Variants in FBN1 observed in about 807,000 individuals in gnomAD.
FBN1 encodes fibrillin-1.
FBN1 carries 29 observed loss-of-function variants against 365.1 expected under a neutral mutation model. The observed-to-expected ratio is 0.08, with a 90% confidence interval of 0.06 to 0.11. The LOEUF (loss-of-function observed/expected upper bound fraction) is 0.11. Among genes scored for constraint, FBN1 ranks in the 10% least tolerant of loss-of-function variants. FBN1 has a pLI of 1.00. For missense variants in FBN1, 2,476 were observed against 3,703.2 expected, an observed-to-expected ratio of 0.67 and a Z score of 8.60; for synonymous variants, 1,210 against 1,270.5, an observed-to-expected ratio of 0.95 and a Z score of 1.01.
At chr15:48,441,412 C>T (rs2043114230) in intron 50 of FBN1, among the ~76,000 whole-genome samples, 1 of 152,116 alleles carries the variant, frequency 6.6e-6, no homozygotes, top group Non-Finnish European at 1.5e-5. Context: ...TCAACTTCCC[C>T]CAGGCTTTGC....
At chr15:48,416,933 G>A (rs1441563262) in intron 63 of FBN1, among the ~76,000 whole-genome samples, 1 of 151,956 alleles carries the variant, frequency 6.6e-6, no homozygotes, top group Non-Finnish European at 1.5e-5. Flanking sequence ...ATAGGATACA[G>A]GTATTGACCA....
intron 8 of FBN1, among the ~76,000 whole-genome samples, chr15:48,530,507 G>C (rs1029043376): frequency 5.3e-5 from 8 of 152,082 alleles, no homozygotes; most frequent in Non-Finnish European, 1.2e-4. Context: ...GGGCATCAAG[G>C]ACGGGAGCCA....
chr15:48,414,374 A>T (rs12916536), intron 64 of FBN1, among the ~76,000 whole-genome samples: 1 of 152,060 alleles, frequency 6.6e-6, no homozygotes. Flanking sequence ...ATAATTTGGT[A>T]TAAGTGTGGA....
chr15:48,561,949 G>A (rs1297536223), intron 6 of FBN1, among the ~76,000 whole-genome samples: 1 of 152,138 alleles, frequency 6.6e-6, no homozygotes, highest in African/African-American at 2.4e-5. Context: ...GAACCACTGA[G>A]GAACTTATTG....
In FBN1 at chr15:48,463,227, A is replaced by T; in HGVS notation, c.5079T>A (p.Ser1693Arg). The change falls in exon 42 of 66, where the codon AGT becomes AGA. Residue 1693 changes from serine to arginine, a missense_variant. Transcript: ENST00000316623. ...GGNNCMDMRR[S>R]LCYRNYYADN... ...CAGCATAGTAGTTTCTGTAGCACAA[A>T]CTTCTTCTCATATCTAGAAGGGAGG... 1 of 1,613,910 alleles carries T rather than the reference A, an allele frequency of 6.2e-7. No individual in the cohort carries two copies. Among genetic ancestry groups the T allele is most frequent in the Non-Finnish European group, 8.5e-7 (1 of 1,179,888 alleles).
At chr15:48,544,108 T>A (rs1007133611) in intron 6 of FBN1, among the ~76,000 whole-genome samples, 4 of 152,158 alleles carry the variant, frequency 2.6e-5, no homozygotes, top group African/African-American at 9.7e-5. Context: ...AGTTTGAAAT[T>A]TTTTATAATA....
rs762634497 is a variant in FBN1, at chr15:48,427,797, A to C, written c.6998-24T>G. The C allele has an allele frequency of 3.1e-6, 5 of 1,603,654 alleles. No homozygotes were observed. The South Asian group carries it at 5.5e-5, about 18-fold the overall frequency. ...GTCTGGAAGGGACATTATATGGCAA[A>C]GGGGATGTCAGGAAATTTTAAGAGC... On this transcript the variant is annotated intron_variant, in intron 57 of 65. Transcript: ENST00000316623.
chr15:48,417,476 C>T (rs1331753862), intron 63 of FBN1, among the ~76,000 whole-genome samples: 4 of 140,304 alleles, frequency 2.9e-5, no homozygotes, highest in Non-Finnish European at 6.1e-5. Context: ...TCCTTTCCTT[C>T]CTTCCTTCCT....
At chr15:48,532,411 CAT>C (rs1003604590) in intron 8 of FBN1, among the ~76,000 whole-genome samples, 5 of 151,392 alleles carry the variant, frequency 3.3e-5, no homozygotes, top group Admixed American at 1.3e-4. Context: ...AAGTTAATGT[CAT>C]ATATATATGT....
intron 2 of FBN1, among the ~76,000 whole-genome samples, chr15:48,613,789 A>G (rs369316844): frequency 1.3e-5 from 2 of 152,072 alleles, no homozygotes. Flanking sequence ...TTAGCTTGGC[A>G]TGGTGGCACG....
chr15:48,563,785 CCT>C (rs1413920698), intron 6 of FBN1, among the ~76,000 whole-genome samples: 1 of 152,170 alleles, frequency 6.6e-6, no homozygotes, highest in Non-Finnish European at 1.5e-5. Context: ...TTTGTTTCCC[CCT>C]GTTTTCTGGG....
intron 10 of FBN1, 28 bp downstream of exon 10, chr15:48,520,631 T>A: frequency 6.2e-7 from 1 of 1,613,292 alleles, no homozygotes; most frequent in Middle Eastern, 1.7e-4. Flanking sequence ...GGATGGGATA[T>A]TCTGCAGATA....
chr15:48,503,986 T>C (rs949354077), intron 16 of FBN1, 47 bp from the exon 17 acceptor site: 2 of 1,611,206 alleles, frequency 1.2e-6, no homozygotes, highest in Non-Finnish European at 8.5e-7. Flanking sequence ...TTCAAACAGA[T>C]GAGAACCCCC....
chr15:48,578,066 A>C (rs1454383935), intron 6 of FBN1, among the ~76,000 whole-genome samples: 1 of 152,206 alleles, frequency 6.6e-6, no homozygotes, highest in Admixed American at 6.6e-5. Flanking sequence ...GAAGATTGGC[A>C]TATGTATTTT....
At chr15:48,557,828 G>C (rs1392496371) in intron 6 of FBN1, among the ~76,000 whole-genome samples, 3 of 152,138 alleles carry the variant, frequency 2.0e-5, no homozygotes, top group Non-Finnish European at 2.9e-5. Flanking sequence ...GCATTTGCAA[G>C]ATTCTCACTT....
chr15:48,434,814 T>G, intron 53 of FBN1, 101 bp from the exon 54 acceptor site: 1 of 1,428,406 alleles, frequency 7.0e-7, no homozygotes, highest in Non-Finnish European at 9.7e-7. Flanking sequence ...TGTTGTTGTT[T>G]TGAGACAGAG....
At chr15:48,486,729 T>C (rs967813377) in intron 29 of FBN1, among the ~76,000 whole-genome samples, 3 of 152,236 alleles carry the variant, frequency 2.0e-5, no homozygotes, top group African/African-American at 4.8e-5. Flanking sequence ...CATTTGTTAA[T>C]GTGCATTGGT....
chr15:48,508,736 C>A lies in FBN1; in HGVS notation c.1715-32G>T, dbSNP rs1057284542. The A allele has an allele frequency of 3.1e-6, 5 of 1,612,042 alleles. No homozygotes were observed. In the African/African-American group the frequency reaches 6.7e-5, roughly 22 times the overall value. ...ATACAAAACATACATTTTCTTATGA[C>A]CAGAAGAGTAAGCTTACGAAGGAAA... On this transcript the variant is annotated intron_variant, in intron 14 of 65. Transcript: ENST00000316623.
In FBN1 at chr15:48,420,779, C is replaced by T. The variant is rs369888822; in HGVS notation, c.7727G>A (p.Arg2576His). Residue 2576 changes from arginine to histidine, a missense_variant, in exon 63 of 66, where the codon CGC becomes CAC. Physicochemically the swap from Arg to His is conservative, Grantham distance 29 (BLOSUM62 0). Around this residue, in one of 5 missense-constraint regions of FBN1, gnomAD observed 1,780 missense variants for 2,840.8 expected, o/e 0.63. Transcript: ENST00000316623. ...EDVDECEGNH[R>H]CQHGCQNIIG... is the part of the protein sequence containing the mutation. ...GATGTTCTGGCAGCCATGCTGGCAG[C>T]GGTGGTTACCCTCACACTCGTCCAC... is the stretch of plus-strand genomic sequence containing the variant. 5.6e-6 allele frequency: 9 copies of T among 1,613,978 alleles called. No individual in the cohort carries two copies. Among genetic ancestry groups the T allele is most frequent in the Admixed American group, 1.7e-5 (1 of 60,024 alleles).
Sources: allele counts gnomAD v4.1 joint callset (sites outside exome capture counted in the v4.1 genomes callset), GRCh38; gene constraint gnomAD v4.1.1; regional missense constraint gnomAD v4.1.1; transcripts MANE v1.5; gene names NCBI Gene and HGNC (gene_info 2026-07-23, HGNC 2026-07-21).